RIMS1: variants seen among roughly 807,000 people sequenced by gnomAD.
The protein encoded by RIMS1 is regulating synaptic membrane exocytosis protein 1.
In RIMS1, 83 loss-of-function variants were observed where a neutral mutation model predicts 214.1. The ratio of observed to expected loss-of-function variants is 0.39; its 90% CI spans 0.32 to 0.47. RIMS1 has a LOEUF of 0.47. Ranked by LOEUF, RIMS1 falls within the 20% of genes least tolerant of loss-of-function variation. The pLI is 0.99. For synonymous variants in RIMS1, 793 were observed against 786.8 expected (o/e 1.01, Z -0.13); for missense variants, 2,050 against 2,161.8 (o/e 0.95, Z 1.03).
intron 31 of RIMS1, among the ~76,000 whole-genome samples, chr6:72,393,359 C>T (rs977281817): frequency 6.6e-5 from 10 of 152,098 alleles, no homozygotes; most frequent in Non-Finnish European, 1.2e-4. Flanking sequence ...TGGAATTTCA[C>T]AATACTGAGG....
chr6:72,146,032 C>T (rs546276565), intron 4 of RIMS1, among the ~76,000 whole-genome samples: 2 of 152,206 alleles, frequency 1.3e-5, no homozygotes, highest in African/African-American at 4.8e-5. Context: ...ATTTTCTTGA[C>T]TCTGAGAAAC....
chr6:72,213,433 G>T (rs540538363), intron 6 of RIMS1, among the ~76,000 whole-genome samples: 1 of 151,942 alleles, frequency 6.6e-6, no homozygotes, highest in Non-Finnish European at 1.5e-5. Flanking sequence ...TTATAATATA[G>T]CTCTAAAGAT....
chr6:72,251,961 G>A lies in RIMS1; in HGVS notation c.2698+593G>A, dbSNP rs950270412. Among the ~76,000 whole-genome samples the A allele has an allele frequency of 2.6e-5, 4 of 152,182 alleles. No homozygotes were observed. In the East Asian group the frequency reaches 7.7e-4, roughly 29 times the overall value. On this transcript the variant is annotated intron_variant, in intron 15 of 33. Coordinates refer to ENST00000521978, the MANE Select transcript of RIMS1 (RefSeq NM_014989.7). ...AACTCCTGACCTTGTGATCCATCCG[G>A]CTCGGCCTCCCAAAGTGCTGGGATT...
chr6:72,195,916 G>A (rs2050783305), intron 6 of RIMS1, among the ~76,000 whole-genome samples: 1 of 152,076 alleles, frequency 6.6e-6, no homozygotes, highest in Admixed American at 6.6e-5. Flanking sequence ...GAGAGAGCGA[G>A]AGTATGAAGG....
chr6:72,368,287 G>C (rs2098106615), intron 29 of RIMS1, among the ~76,000 whole-genome samples: 1 of 133,348 alleles, frequency 7.5e-6, no homozygotes, highest in Admixed American at 7.6e-5. Flanking sequence ...AATCAGTGTT[G>C]TCTGATTTTT....
At chr6:72,283,938 C>T in intron 23 of RIMS1, 109 bp from the exon 24 acceptor site, 1 of 763,962 alleles carries the variant, frequency 1.3e-6, no homozygotes, top group Middle Eastern at 2.5e-4. Context: ...CTGACAAAAT[C>T]ATTTAGGTAA....
intron 6 of RIMS1, among the ~76,000 whole-genome samples, chr6:72,187,909 A>G (rs552439603): frequency 6.6e-6 from 1 of 152,282 alleles, no homozygotes; most frequent in South Asian, 2.1e-4. Context: ...ACAGGGTCAC[A>G]AGGTGAGGTC....
intron 1 of RIMS1, among the ~76,000 whole-genome samples, chr6:71,897,347 G>C (rs1772111086): frequency 6.6e-6 from 1 of 152,084 alleles, no homozygotes; most frequent in South Asian, 2.1e-4. Context: ...AAATTCGTCT[G>C]ATCATGTCTC....
intron 2 of RIMS1, among the ~76,000 whole-genome samples, chr6:71,984,789 C>G (rs867680384): frequency 0.011 from 1,669 of 148,458 alleles, 43 homozygotes; most frequent in African/African-American, 0.039. Flanking sequence ...ATCTATCTAT[C>G]TATCTATCTA....
chr6:71,890,531 GAGA>G (rs1562127442), intron 1 of RIMS1, among the ~76,000 whole-genome samples: 1 of 122,970 alleles, frequency 8.1e-6, no homozygotes, highest in Admixed American at 9.7e-5. Flanking sequence ...ACCTAAATCA[GAGA>G]AGATCTCATT....
intron 26 of RIMS1, among the ~76,000 whole-genome samples, chr6:72,292,748 C>A (rs2093590455): frequency 6.6e-6 from 1 of 152,046 alleles, no homozygotes; most frequent in Non-Finnish European, 1.5e-5. Flanking sequence ...GATGACATGA[C>A]TTGTTATCAT....
intron 18 of RIMS1, among the ~76,000 whole-genome samples, 158 bp from the exon 19 acceptor site, chr6:72,260,546 TA>T (rs2077514559): frequency 6.6e-6 from 1 of 152,216 alleles, no homozygotes; most frequent in South Asian, 2.1e-4. Context: ...TTAAATTTTT[TA>T]AATGCTTTTA....
chr6:72,298,361 G>A (rs898747964), intron 26 of RIMS1, among the ~76,000 whole-genome samples: 2 of 151,764 alleles, frequency 1.3e-5, no homozygotes, highest in South Asian at 2.1e-4. Context: ...TTTTCCCGCC[G>A]AAAAGCTAAA....
chr6:72,125,724 C>T (rs1272891104), intron 4 of RIMS1, among the ~76,000 whole-genome samples: 3 of 152,234 alleles, frequency 2.0e-5, no homozygotes, highest in African/African-American at 7.2e-5. Flanking sequence ...CAGGCTGCCA[C>T]CTCGCAGTTG....
intron 2 of RIMS1, among the ~76,000 whole-genome samples, chr6:72,094,993 C>T (rs942665460): frequency 6.6e-6 from 1 of 151,214 alleles, no homozygotes; most frequent in African/African-American, 2.4e-5. Context: ...GCTCTGTCAC[C>T]CAGGCTGGAG....
At chr6:72,037,834 A>G (rs1050020474) in intron 2 of RIMS1, among the ~76,000 whole-genome samples, 2 of 151,798 alleles carry the variant, frequency 1.3e-5, no homozygotes, top group African/African-American at 4.8e-5. Context: ...AGAGACATCA[A>G]TTGCCTCAAA....
chr6:72,089,325 C>A (rs1205317919), intron 2 of RIMS1, among the ~76,000 whole-genome samples: 1 of 152,134 alleles, frequency 6.6e-6, no homozygotes, highest in Non-Finnish European at 1.5e-5. Flanking sequence ...CCTGCTGTGG[C>A]TCTTGTGGTG....
At chr6:72,137,937 C>A (rs2041562243) in intron 4 of RIMS1, among the ~76,000 whole-genome samples, 1 of 151,990 alleles carries the variant, frequency 6.6e-6, no homozygotes, top group African/African-American at 2.4e-5. Context: ...GGGGTTTCAC[C>A]ATGTTAGCCA....
chr6:72,310,590 T>C (rs1321188074), intron 27 of RIMS1, among the ~76,000 whole-genome samples: 1 of 152,122 alleles, frequency 6.6e-6, no homozygotes, highest in Non-Finnish European at 1.5e-5. Context: ...TGTTTATTAT[T>C]ACTTACTTCT....
Sources: gnomAD v4.1 joint callset for allele counts (sites outside exome capture counted in the v4.1 genomes callset) on GRCh38, gnomAD v4.1.1 for gene constraint, MANE v1.5 for transcripts, NCBI Gene and HGNC (gene_info 2026-07-23, HGNC 2026-07-21) for gene names.